Variants in EXTL3 observed in about 807,000 individuals in gnomAD.
EXTL3 encodes the protein exostosin-like 3.
Under a neutral mutation model 69.3 loss-of-function variants are expected in EXTL3, and 27 were observed. That is an observed-to-expected ratio of 0.39 (90% CI 0.29 to 0.54). The LOEUF is 0.54. Among genes scored for constraint, EXTL3 ranks in the 20% least tolerant of loss-of-function variants. The probability of loss-of-function intolerance (pLI) is 0.69; values close to 1 mark genes in which losing one functional copy is unlikely to be tolerated. For synonymous variants in EXTL3, 511 were observed against 499.4 expected (o/e 1.02, Z -0.31); for missense variants, 1,003 against 1,231.8 (o/e 0.81, Z 2.78).
chr8:28,656,370 C>T (rs746625536), intron 1 of EXTL3, among the ~76,000 whole-genome samples: 17 of 152,034 alleles, frequency 1.1e-4, no homozygotes, highest in Non-Finnish European at 1.9e-4. Flanking sequence ...CCATTGTTGC[C>T]CAGGCTGGTT....
At chr8:28,713,941 T>C (rs1002557554) in intron 2 of EXTL3, among the ~76,000 whole-genome samples, 1 of 147,386 alleles carries the variant, frequency 6.8e-6, no homozygotes, top group Non-Finnish European at 1.5e-5. Flanking sequence ...TATTTCACTC[T>C]TGTTGCCTGG....
At chr8:28,743,933 C>G (rs1195281712) in intron 6 of EXTL3, 1 of 152,422 alleles carries the variant, frequency 6.6e-6, no homozygotes, top group Non-Finnish European at 1.5e-5. Flanking sequence ...TTGCTCACAA[C>G]CAAAAATACC....
chr8:28,712,445 GC>G (rs1801049645), intron 1 of EXTL3, among the ~76,000 whole-genome samples: 1 of 152,194 alleles, frequency 6.6e-6, no homozygotes, highest in South Asian at 2.1e-4. Flanking sequence ...ATGGAGGCCA[GC>G]TGGCAAGTTA....
intron 1 of EXTL3, among the ~76,000 whole-genome samples, chr8:28,626,198 A>T (rs752640581): frequency 5.9e-5 from 9 of 151,844 alleles, no homozygotes; most frequent in Non-Finnish European, 1.2e-4. Context: ...AAACTAAAAA[A>T]ATTTTTTAAA....
chr8:28,713,353 A>G (rs1017263121), intron 1 of EXTL3, 104 bp from the exon 2 acceptor site: 3 of 589,476 alleles, frequency 5.1e-6, no homozygotes, highest in African/African-American at 1.9e-5. Flanking sequence ...ATCTTTTCAT[A>G]GGGGACAGTA....
chr8:28,668,290 AAAGAC>A (rs1208170859), intron 1 of EXTL3, among the ~76,000 whole-genome samples: 1 of 142,756 alleles, frequency 7.0e-6, no homozygotes, highest in African/African-American at 2.7e-5. Flanking sequence ...AGAAAAAAGA[AAAGAC>A]AAAGAATACT....
chr8:28,722,775 A>T (rs1451687391), intron 3 of EXTL3, among the ~76,000 whole-genome samples: 44 of 75,790 alleles, frequency 5.8e-4, no homozygotes, highest in Non-Finnish European at 7.7e-4. Flanking sequence ...CCCTGTCTCT[A>T]AAAAAAAAAA....
chr8:28,724,733 G>GA (rs1426730982), intron 3 of EXTL3, among the ~76,000 whole-genome samples: 1 of 152,206 alleles, frequency 6.6e-6, no homozygotes, highest in Non-Finnish European at 1.5e-5. Context: ...CCAGGAGGCA[G>GA]AGGTTGCAGT....
intron 1 of EXTL3, among the ~76,000 whole-genome samples, chr8:28,645,991 T>C (rs1806823086): frequency 6.6e-6 from 1 of 152,030 alleles, no homozygotes; most frequent in Non-Finnish European, 1.5e-5. Context: ...GACTCCTGAG[T>C]AGCTGGGACC....
chr8:28,726,400 T>C (rs138044598), intron 3 of EXTL3, among the ~76,000 whole-genome samples: 95 of 152,290 alleles, frequency 6.2e-4, no homozygotes, highest in African/African-American at 2.2e-3. Context: ...CTTCCACCCA[T>C]TTAGTTTTAG....
chr8:28,685,089 T>A (rs1481701123), intron 1 of EXTL3, among the ~76,000 whole-genome samples: 1 of 151,932 alleles, frequency 6.6e-6, no homozygotes, highest in Non-Finnish European at 1.5e-5. Context: ...GTAGCTGGGA[T>A]TACAGGCACG....
chr8:28,732,210 T>A (rs116571673), intron 4 of EXTL3, among the ~76,000 whole-genome samples: 1 of 152,126 alleles, frequency 6.6e-6, no homozygotes, highest in South Asian at 2.1e-4. Context: ...ATGGAGTAGA[T>A]GAAGGCTACT....
intron 3 of EXTL3, among the ~76,000 whole-genome samples, chr8:28,723,641 T>TTTTC: frequency 1.5e-5 from 1 of 64,560 alleles, no homozygotes; most frequent in African/African-American, 8.2e-5. Context: ...CTCAGGACTG[T>TTTTC]TTTTTTTTTT....
chr8:28,670,680 T>C (rs1807271960), intron 1 of EXTL3, among the ~76,000 whole-genome samples: 1 of 152,224 alleles, frequency 6.6e-6, no homozygotes. Flanking sequence ...CTCAGCCATT[T>C]TGTTCTAGTC....
chr8:28,744,817 C>A (rs1404982956), intron 6 of EXTL3, among the ~76,000 whole-genome samples: 4 of 147,706 alleles, frequency 2.7e-5, no homozygotes, highest in Non-Finnish European at 6.0e-5. Flanking sequence ...TACACACACA[C>A]GCACACACAG....
At position 28,658,379 on chromosome 8, in the gene EXTL3, C is replaced by T. The variant is rs571435830; in HGVS notation, c.-53+35569C>T. Among the ~76,000 whole-genome samples, 275 of 152,290 alleles carry T rather than the reference C, an allele frequency of 1.8e-3. 1 individual carries two copies. The highest frequency in any genetic ancestry group is 3.4e-3 in the Middle Eastern group (1 of 294). On this transcript the variant is annotated intron_variant, in intron 1 of 6. Coordinates refer to the EXTL3 transcript ENST00000523149. ...CTGTTTTCACCCTCCCTAATCCACT[C>T]CAGGTAATCAGCTTTTCATTTCTGT...
chr8:28,713,218 T>C (rs1239550155), intron 1 of EXTL3, among the ~76,000 whole-genome samples: 2 of 152,214 alleles, frequency 1.3e-5, no homozygotes, highest in African/African-American at 4.8e-5. Flanking sequence ...GTCTGGACGG[T>C]TTGCCTGCCA....
At chr8:28,653,644 T>C (rs538634597) in intron 1 of EXTL3, among the ~76,000 whole-genome samples, 2 of 152,356 alleles carry the variant, frequency 1.3e-5, no homozygotes, top group South Asian at 4.1e-4. Context: ...TTGAGTGGCC[T>C]TGACACTCTT....
chr8:28,679,625 A>G (rs1807448605), intron 1 of EXTL3, among the ~76,000 whole-genome samples: 1 of 151,860 alleles, frequency 6.6e-6, no homozygotes, highest in African/African-American at 2.4e-5. Flanking sequence ...AGTCCCATCT[A>G]TGCAGGAGGA....
Sources: gnomAD v4.1 joint callset for allele counts (sites outside exome capture counted in the v4.1 genomes callset) on GRCh38, gnomAD v4.1.1 for gene constraint, MANE v1.5 for transcripts, NCBI Gene and HGNC (gene_info 2026-07-23, HGNC 2026-07-21) for gene names.